MAGI2: variants seen among roughly 807,000 people sequenced by gnomAD.
MAGI2 encodes membrane-associated guanylate kinase, WW and PDZ domain-containing protein 2.
In MAGI2, 35 loss-of-function variants were observed where a neutral mutation model predicts 133.3. The ratio of observed to expected loss-of-function variants is 0.26; its 90% CI spans 0.20 to 0.35. The LOEUF is 0.35. Among genes scored for constraint, MAGI2 ranks in the 10% least tolerant of loss-of-function variants. The pLI, the probability that MAGI2 is intolerant of heterozygous loss-of-function variation, is 1.00. For missense variants in MAGI2, 1,636 were observed against 1,863.4 expected, an observed-to-expected ratio of 0.88 and a Z score of 2.25; for synonymous variants, 729 against 710.6, an observed-to-expected ratio of 1.03 and a Z score of -0.41.
intron 2 of MAGI2, among the ~76,000 whole-genome samples, chr7:78,667,918 G>A (rs1281513773): frequency 1.3e-5 from 2 of 152,136 alleles, no homozygotes; most frequent in African/African-American, 4.8e-5. Flanking sequence ...TAATGGGATG[G>A]CTGGGTCAAA....
At chr7:79,424,073 TC>T (rs1283245453) in intron 1 of MAGI2, among the ~76,000 whole-genome samples, 1 of 152,074 alleles carries the variant, frequency 6.6e-6, no homozygotes, top group East Asian at 1.9e-4. Flanking sequence ...AACAAATTAA[TC>T]ACAGAATGTT....
chr7:79,083,312 T>C lies in MAGI2; in HGVS notation c.302-76106A>G, dbSNP rs1816214694. ...CAATAAGTATGATGTTATTTTTTTTTTTTTTTTCATAGATGGGCTTTATTA... is the reference window on the plus strand; with the variant it reads ...CAATAAGTATGATGTTATTTTTTTTCTTTTTTTCATAGATGGGCTTTATTA... On this transcript the variant is annotated intron_variant, in intron 1 of 21. Transcript: ENST00000354212. Among the ~76,000 whole-genome samples, 3 of 151,628 alleles carry C rather than the reference T, an allele frequency of 2.0e-5. No homozygotes were observed. The South Asian group carries it at 6.2e-4, about 31-fold the overall frequency.
intron 1 of MAGI2, among the ~76,000 whole-genome samples, chr7:79,278,633 G>A (rs1465398791): frequency 6.6e-6 from 1 of 152,052 alleles, no homozygotes; most frequent in South Asian, 2.1e-4. Flanking sequence ...TATTAATCTT[G>A]AGTAGTTCAG....
chr7:78,697,115 T>C (rs965212084), intron 2 of MAGI2, among the ~76,000 whole-genome samples: 2 of 152,232 alleles, frequency 1.3e-5, no homozygotes, highest in African/African-American at 4.8e-5. Context: ...TACTATCTTT[T>C]TCCTTTTCAT....
At chr7:78,583,366 C>T (rs535093165) in intron 3 of MAGI2, 8 of 188,378 alleles carry the variant, frequency 4.2e-5, no homozygotes, top group East Asian at 3.6e-4. Flanking sequence ...GGCGTGGTGG[C>T]GGGCGCCTGT....
At chr7:78,211,272 G>A (rs1035846197) in intron 10 of MAGI2, among the ~76,000 whole-genome samples, 1 of 152,194 alleles carries the variant, frequency 6.6e-6, no homozygotes, top group African/African-American at 2.4e-5. Context: ...GACTAGACAG[G>A]AGAATTCACT....
chr7:78,504,350 G>A (rs1342797608), intron 4 of MAGI2, among the ~76,000 whole-genome samples: 1 of 152,164 alleles, frequency 6.6e-6, no homozygotes, highest in Non-Finnish European at 1.5e-5. Context: ...TATGTTTACT[G>A]AGCTATTCAT....
At chr7:78,578,106 G>A (rs979610733) in intron 3 of MAGI2, among the ~76,000 whole-genome samples, 2 of 150,882 alleles carry the variant, frequency 1.3e-5, no homozygotes, top group African/African-American at 4.9e-5. Flanking sequence ...CTTTAAGTAG[G>A]GAAAATTTGG....
At chr7:78,550,627 C>T (rs1455429160) in intron 3 of MAGI2, among the ~76,000 whole-genome samples, 1 of 152,214 alleles carries the variant, frequency 6.6e-6, no homozygotes, top group Non-Finnish European at 1.5e-5. Flanking sequence ...CATAACTCCA[C>T]TGGACAAGGT....
chr7:78,367,674 T>C (rs983449604), intron 7 of MAGI2, among the ~76,000 whole-genome samples: 1 of 152,220 alleles, frequency 6.6e-6, no homozygotes, highest in African/African-American at 2.4e-5. Flanking sequence ...AAAGATAAGA[T>C]GTGATATGCC....
chr7:78,764,067 C>T (rs1009709970), intron 2 of MAGI2, among the ~76,000 whole-genome samples: 23 of 152,098 alleles, frequency 1.5e-4, no homozygotes, highest in Non-Finnish European at 2.5e-4. Flanking sequence ...ACTGGAAGAC[C>T]AGAGGAAAAG....
intron 18 of MAGI2, among the ~76,000 whole-genome samples, chr7:78,132,167 A>C (rs183718284): frequency 3.3e-4 from 50 of 152,282 alleles, no homozygotes; most frequent in African/African-American, 1.1e-3. Flanking sequence ...GAGCCACCAC[A>C]CTGGCTGCTA....
At chr7:79,268,981 C>A (rs569161588) in intron 1 of MAGI2, among the ~76,000 whole-genome samples, 15 of 152,264 alleles carry the variant, frequency 9.9e-5, no homozygotes, top group African/African-American at 3.1e-4. Context: ...ACATTGTTTT[C>A]AAAATGCTCT....
chr7:78,388,675 T>C (rs1795627549), intron 6 of MAGI2, among the ~76,000 whole-genome samples: 1 of 152,152 alleles, frequency 6.6e-6, no homozygotes, highest in Non-Finnish European at 1.5e-5. Context: ...AAGAAGGCAC[T>C]GACTAGTACA....
At chr7:78,718,586 GAT>G in intron 2 of MAGI2, among the ~76,000 whole-genome samples, 1 of 151,942 alleles carries the variant, frequency 6.6e-6, no homozygotes, top group Non-Finnish European at 1.5e-5. Flanking sequence ...AATGCCTGAT[GAT>G]GTGTCACTGT....
chr7:79,088,037 T>C (rs927731800), intron 1 of MAGI2, among the ~76,000 whole-genome samples: 1 of 152,102 alleles, frequency 6.6e-6, no homozygotes, highest in African/African-American at 2.4e-5. Context: ...AAGAAAGTCA[T>C]TGGTAGCTTG....
chr7:79,395,061 G>GA (rs1236206984), intron 1 of MAGI2, among the ~76,000 whole-genome samples: 2 of 152,116 alleles, frequency 1.3e-5, no homozygotes, highest in Non-Finnish European at 1.5e-5. Flanking sequence ...TTATGTGTGT[G>GA]AAAATATGTC....
chr7:78,759,080 T>A (rs1389527895), intron 2 of MAGI2, among the ~76,000 whole-genome samples: 1 of 152,174 alleles, frequency 6.6e-6, no homozygotes, highest in African/African-American at 2.4e-5. Flanking sequence ...CTTCGTGGAA[T>A]GCAAATACAA....
intron 2 of MAGI2, among the ~76,000 whole-genome samples, chr7:78,650,252 A>T (rs1811405748): frequency 6.6e-6 from 1 of 152,202 alleles, no homozygotes; most frequent in Admixed American, 6.5e-5. Context: ...TAGAAATAGG[A>T]TTAGCCTGCA....
Sources: allele counts gnomAD v4.1 joint callset (sites outside exome capture counted in the v4.1 genomes callset), GRCh38; gene constraint gnomAD v4.1.1; transcripts MANE v1.5; gene names NCBI Gene and HGNC (gene_info 2026-07-23, HGNC 2026-07-21).